Variants in ABHD17B observed in about 807,000 individuals in gnomAD.
The protein encoded by ABHD17B is alpha/beta hydrolase domain-containing protein 17B.
A neutral mutation model predicts 26.2 loss-of-function variants in ABHD17B; 9 were observed. The ratio of observed to expected loss-of-function variants is 0.34; its 90% CI spans 0.21 to 0.60. The LOEUF is 0.60. ABHD17B is among the 20% of genes least tolerant of loss of function. The probability of loss-of-function intolerance (pLI) is 0.80; values close to 1 mark genes in which losing one functional copy is unlikely to be tolerated. For synonymous variants in ABHD17B, 127 were observed against 122.3 expected (o/e 1.04, Z -0.25); for missense variants, 224 against 352.1 (o/e 0.64, Z 2.91).
At chr9:71,874,534 C>G in intron 2 of ABHD17B, 80 bp downstream of exon 2, 2 of 1,180,468 alleles carry the variant, frequency 1.7e-6, no homozygotes, top group Non-Finnish European at 1.2e-6. Context: ...ATAATAAAAA[C>G]AGCTTTTATT....
chr9:71,867,014 GA>G lies in ABHD17B; in HGVS notation c.648-9del. ...TTAGAGATTTTGTCAATGCTGCAGG[GA>G]AAAAGGAAGGGGGAAAAATGCAATA... On this transcript the variant is annotated splice_polypyrimidine_tract_variant and intron_variant, in intron 3 of 3. Coordinates refer to ENST00000333421, the MANE Select transcript of ABHD17B (RefSeq NM_001025780.3). 6.2e-7 allele frequency: 1 copy of G among 1,612,842 alleles called. No homozygotes were observed. The highest frequency in any genetic ancestry group is 8.5e-7 in the Non-Finnish European group (1 of 1,179,676).
chr9:71,885,155 A>G (rs1012418952), intron 1 of ABHD17B, among the ~76,000 whole-genome samples: 1 of 152,022 alleles, frequency 6.6e-6, no homozygotes, highest in African/African-American at 2.4e-5. Flanking sequence ...ACACAAAATG[A>G]AAGGTCAGGC....
intron 1 of ABHD17B, among the ~76,000 whole-genome samples, chr9:71,910,160 A>G (rs1827410751): frequency 6.6e-6 from 1 of 152,166 alleles, no homozygotes; most frequent in South Asian, 2.1e-4. Flanking sequence ...ATCGCGCCCG[A>G]CAGAGATATA....
chr9:71,878,745 A>G (rs571683370), intron 1 of ABHD17B, among the ~76,000 whole-genome samples: 3 of 152,282 alleles, frequency 2.0e-5, no homozygotes, highest in South Asian at 4.1e-4. Context: ...ATAGGAAAAC[A>G]TTGTCTCTAT....
chr9:71,862,669 G>T, downstream of ABHD17B: 1 of 778,156 alleles, frequency 1.3e-6, no homozygotes, highest in Admixed American at 2.1e-5. Context: ...AGTTTATGTG[G>T]CTTTCCATAA....
At chr9:71,887,475 T>C (rs927135835) in intron 1 of ABHD17B, among the ~76,000 whole-genome samples, 2 of 152,232 alleles carry the variant, frequency 1.3e-5, no homozygotes, top group Non-Finnish European at 2.9e-5. Flanking sequence ...AGTTTCTTGA[T>C]ACTGCTAGAC....
chr9:71,886,421 CAAA>C lies in ABHD17B; in HGVS notation c.-3-11341_-3-11339del, dbSNP rs5898239. 3.9e-3 allele frequency among the ~76,000 whole-genome samples: 496 copies of C among 126,832 alleles called. 3 individuals carry two copies. The highest frequency in any genetic ancestry group is 0.012 in the African/African-American group (423 of 34,550). The allele number at this position is 126,832 out of a possible 152,430, so 83.2% of individuals were successfully genotyped here. A position where few individuals can be genotyped will look rare whatever the true frequency, so the allele number is the denominator to read the frequency against. ...TGGGCAACATAGGGAGACCCTGTCT[CAAA>C]AAAAAAAAAAAAAAATCCACTAACT... is the stretch of plus-strand genomic sequence containing the variant. On this transcript the variant is annotated intron_variant, in intron 1 of 3. Coordinates refer to ENST00000333421, the MANE Select transcript of ABHD17B (RefSeq NM_001025780.3).
At position 71,897,485 on chromosome 9, in the gene ABHD17B, C is replaced by T. The variant is rs574484147; in HGVS notation, c.-4+13149G>A. Among the ~76,000 whole-genome samples, 57 of 152,314 alleles carry T rather than the reference C, an allele frequency of 3.7e-4. 1 individual carries two copies. The South Asian group carries it at 0.012, about 31-fold the overall frequency. On this transcript the variant is annotated intron_variant, in intron 1 of 3. Coordinates refer to ENST00000333421, the MANE Select transcript of ABHD17B (RefSeq NM_001025780.3). ...GAGCCATGATCGTGCCACTGCAATC[C>T]AGCCTGGGCAACAGGGGAAGACCCT...
At chr9:71,908,543 T>C (rs939919450) in intron 1 of ABHD17B, among the ~76,000 whole-genome samples, 2 of 152,108 alleles carry the variant, frequency 1.3e-5, no homozygotes, top group African/African-American at 4.8e-5. Flanking sequence ...AGCAAAACTT[T>C]GGATAAATCA....
chr9:71,886,392 A>G (rs1826610302), intron 1 of ABHD17B, among the ~76,000 whole-genome samples: 1 of 147,620 alleles, frequency 6.8e-6, no homozygotes, highest in Non-Finnish European at 1.5e-5. Context: ...GTTCAAGACC[A>G]GCCTGGGCAA....
chr9:71,887,409 G>A (rs1182506806), intron 1 of ABHD17B, among the ~76,000 whole-genome samples: 1 of 151,988 alleles, frequency 6.6e-6, no homozygotes, highest in Non-Finnish European at 1.5e-5. Flanking sequence ...AACTAATTTG[G>A]GTCAGAAGTC....
At chr9:71,871,541 C>G (rs1460110446) in intron 2 of ABHD17B, among the ~76,000 whole-genome samples, 7 of 152,212 alleles carry the variant, frequency 4.6e-5, no homozygotes, top group Admixed American at 3.9e-4. Context: ...TGCATTGTTG[C>G]TGTCAGCTGA....
chr9:71,867,458 A>G (rs1201231745), intron 3 of ABHD17B, among the ~76,000 whole-genome samples: 1 of 152,248 alleles, frequency 6.6e-6, no homozygotes, highest in Non-Finnish European at 1.5e-5. Context: ...AAGATACAAA[A>G]ACAAGGAGAA....
chr9:71,875,634 T>C (rs1564063199), intron 1 of ABHD17B, among the ~76,000 whole-genome samples: 1 of 152,214 alleles, frequency 6.6e-6, no homozygotes, highest in Non-Finnish European at 1.5e-5. Context: ...GTGATTATTA[T>C]CTCATTTAAC....
chr9:71,889,967 A>G (rs1589224405), intron 1 of ABHD17B, among the ~76,000 whole-genome samples: 1 of 152,084 alleles, frequency 6.6e-6, no homozygotes, highest in Non-Finnish European at 1.5e-5. Flanking sequence ...CCTCATTATA[A>G]AAGACTGAGC....
chr9:71,899,897 T>A (rs1024607031), intron 1 of ABHD17B, among the ~76,000 whole-genome samples: 1 of 151,620 alleles, frequency 6.6e-6, no homozygotes, highest in African/African-American at 2.4e-5. Context: ...CCATTAAAAA[T>A]ACTGAGAATA....
chr9:71,888,860 T>C (rs560057083), intron 1 of ABHD17B, among the ~76,000 whole-genome samples: 1 of 152,248 alleles, frequency 6.6e-6, no homozygotes, highest in South Asian at 2.1e-4. Context: ...CAACTGAAAC[T>C]GCTGTAAAAC....
chr9:71,890,530 T>C lies in ABHD17B; in HGVS notation c.-3-15447A>G, dbSNP rs1826751706. Among the ~76,000 whole-genome samples the C allele has an allele frequency of 3.3e-5, 5 of 152,218 alleles. No homozygotes were observed. The South Asian group carries it at 1.0e-3, about 31-fold the overall frequency. On this transcript the variant is annotated intron_variant, in intron 1 of 3. Transcript: ENST00000333421. ...TTTATATCATTTGCAATTTATTAAG[T>C]TTTTATCTATTGGTTGATTCTCATT...
At chr9:71,901,439 G>A (rs1465196426) in intron 1 of ABHD17B, among the ~76,000 whole-genome samples, 1 of 151,964 alleles carries the variant, frequency 6.6e-6, no homozygotes, top group Non-Finnish European at 1.5e-5. Flanking sequence ...ATTTAACATC[G>A]TTGTCCTTTC....
Sources: allele counts gnomAD v4.1 joint callset (sites outside exome capture counted in the v4.1 genomes callset), GRCh38; gene constraint gnomAD v4.1.1; transcripts MANE v1.5; gene names NCBI Gene and HGNC (gene_info 2026-07-23, HGNC 2026-07-21).